Variants in AARS1 observed in about 807,000 individuals in gnomAD.
AARS1 encodes alanine--tRNA ligase, cytoplasmic.
In AARS1, 72 loss-of-function variants were observed where a neutral mutation model predicts 108.9. The observed-to-expected ratio is 0.66, with a 90% confidence interval of 0.55 to 0.80. The LOEUF (loss-of-function observed/expected upper bound fraction) is 0.80, where lower values mean the gene tolerates loss of function less well. Among genes scored for constraint, AARS1 ranks in the 30% least tolerant of loss-of-function variants. AARS1 has a pLI of 0.00. For synonymous variants in AARS1, 489 were observed against 465.7 expected, an observed-to-expected ratio of 1.05 and a Z score of -0.64; for missense variants, 1,193 against 1,233.2, an observed-to-expected ratio of 0.97 and a Z score of 0.49.
At position 70,270,189 on chromosome 16, in the gene AARS1, C is replaced by A. The variant is rs1244554214; in HGVS notation, c.816+7G>T. ...GAAGTTTACAATGTTTGCAATAGCACCAGTACCTTCTGAATGGCTTCAAAG... is the reference window on the plus strand; with the variant it reads ...GAAGTTTACAATGTTTGCAATAGCAACAGTACCTTCTGAATGGCTTCAAAG... On this transcript the variant is annotated splice_region_variant and intron_variant, in intron 6 of 20. Coordinates refer to ENST00000261772, the MANE Select transcript of AARS1 (RefSeq NM_001605.3). The A allele has an allele frequency of 7.4e-6, 12 of 1,614,108 alleles. No individual in the cohort carries two copies. Among genetic ancestry groups the A allele is most frequent in the Non-Finnish European group, 1.0e-5 (12 of 1,179,984 alleles).
At position 70,289,479 on chromosome 16, in the gene AARS1, G is replaced by T; in HGVS notation, c.-80C>A. ...CAGAGTCCCCCGCCAAGGGCCCGCT[G>T]CACCTATTCCCGCAGACGCGCAGCT... On this transcript the variant is annotated 5_prime_UTR_variant, in exon 1 of 21. Transcript: ENST00000261772. 1 of 438,060 alleles carries T rather than the reference G, an allele frequency of 2.3e-6. No individual in the cohort carries two copies. Among genetic ancestry groups the T allele is most frequent in the South Asian group, 1.6e-5 (1 of 62,068 alleles). The allele number at this position is 438,060 out of a possible 1,614,324, so 27.1% of individuals were successfully genotyped here. A position where few individuals can be genotyped will look rare whatever the true frequency, so the allele number is the denominator to read the frequency against.
Position 70,265,599 on chromosome 16 carries a change from GCAAT to G in AARS1, c.1282_1285del (p.Ile428LeufsTer8). 6.2e-7 allele frequency: 1 copy of G among 1,613,958 alleles called. No homozygotes were observed. Among genetic ancestry groups the G allele is most frequent in the Non-Finnish European group, 8.5e-7 (1 of 1,179,946 alleles). On this transcript the variant is annotated frameshift_variant, in exon 10 of 21. Coordinates refer to ENST00000261772, the MANE Select transcript of AARS1 (RefSeq NM_001605.3). LOFTEE classifies it high-confidence loss of function. ...GTCTACCACCAGGCCCTTCTCTTCA[GCAAT>G]CAGTCCAGTCAGATCCACTGGAAAC...
At position 70,269,621 on chromosome 16, in the gene AARS1, C is replaced by G. The variant is rs557600847; in HGVS notation, c.959G>C (p.Arg320Pro). Residue 320 changes from arginine (R) to proline (P), a missense_variant, in exon 7 of 21, where the codon CGT becomes CCT. Coordinates refer to ENST00000261772, the MANE Select transcript of AARS1 (RefSeq NM_001605.3). The part of the protein sequence containing the change: ...ADGGRPDNTG[R>P]GYVLRRILRR... ...ACCCAGTGTGCAGCATACTTACCCA[C>G]GCCCTGTGTTGTCAGGCCGGCCACC... 1 of 1,614,020 alleles carries G rather than the reference C, an allele frequency of 6.2e-7. No homozygotes were observed. The highest frequency in any genetic ancestry group is 1.7e-5 in the Admixed American group (1 of 60,016).
At chr16:70,269,004 C>A (rs1183656304) in intron 7 of AARS1, among the ~76,000 whole-genome samples, 1 of 151,710 alleles carries the variant, frequency 6.6e-6, no homozygotes, top group Admixed American at 6.6e-5. Context: ...GTCAGGAGTT[C>A]GAGACCAGCC....
chr16:70,282,473 G>T, intron 2 of AARS1, 147 bp downstream of exon 2: 2 of 948,098 alleles, frequency 2.1e-6, no homozygotes, highest in Admixed American at 2.3e-5. Context: ...ATTTTGCAAA[G>T]AAACTGAGGC....
At chr16:70,263,570 CA>C (rs111539662) in intron 11 of AARS1, among the ~76,000 whole-genome samples, 2,616 of 121,978 alleles carry the variant, frequency 0.021, 52 homozygotes, top group African/African-American at 0.065. Context: ...AACTCCATCT[CA>C]AAAAAAAAAA....
intron 17 of AARS1, 42 bp downstream of exon 17, chr16:70,254,579 T>C: frequency 1.5e-6 from 2 of 1,367,440 alleles, no homozygotes; most frequent in Non-Finnish European, 2.1e-6. Flanking sequence ...GCATGTTTCA[T>C]GCACCAGGCC....
At chr16:70,265,861 CTGTTT>C (rs973549881) in intron 9 of AARS1, among the ~76,000 whole-genome samples, 199 bp from the exon 10 acceptor site, 4 of 152,346 alleles carry the variant, frequency 2.6e-5, no homozygotes, top group East Asian at 1.9e-4. Flanking sequence ...TGATACAATT[CTGTTT>C]TGTTTTGTTT....
At position 70,276,682 on chromosome 16, in the gene AARS1, A is replaced by G. The variant is rs757292257; in HGVS notation, c.334-51T>C. 1.2e-5 allele frequency: 19 copies of G among 1,591,854 alleles called. No individual in the cohort carries two copies. The Admixed American group carries it at 3.2e-4, about 27-fold the overall frequency. On this transcript the variant is annotated intron_variant, in intron 3 of 20. Transcript: ENST00000261772. ...ATGGAACATTGCCAAACCAAAATCT[A>G]TTTAGTATGAGACCAGATGCTAGGA...
rs971588937 is a variant in AARS1 at position 70,252,775 on chromosome 16, C to T, written c.2853G>A (p.Ala951=). The change falls in exon 21 of 21, where the codon GCG becomes GCA. Residue 951 remains alanine, a synonymous_variant. Transcript: ENST00000261772. ...GGGCGAAGGAAGTGGCCAGCTGCAGCGCCTCCTGCAGGCAGCCAACGTTCT... is the reference window on the plus strand; with the variant it reads ...GGGCGAAGGAAGTGGCCAGCTGCAGTGCCTCCTGCAGGCAGCCAACGTTCT... ...TGKNVGCLQE[A]LQLATSFAQL... 10 of 1,614,180 alleles carry T rather than the reference C, an allele frequency of 6.2e-6. No individual in the cohort carries two copies. Among genetic ancestry groups the T allele is most frequent in the Non-Finnish European group, 8.5e-6 (10 of 1,180,042 alleles).
At position 70,264,522 on chromosome 16, in the gene AARS1, G is replaced by A. The variant is rs141647047; in HGVS notation, c.1492+436C>T. ...AGTAGAGATGGGGTTTCATCATGTT[G>A]GTCAGGCTGGTCTCAAACTCCTGAC... On this transcript the variant is annotated intron_variant, in intron 11 of 20. Transcript: ENST00000261772. Among the ~76,000 whole-genome samples the A allele has an allele frequency of 1.0e-3, 157 of 151,950 alleles. 3 individuals carry two copies. In the East Asian group the frequency reaches 0.03, roughly 29 times the overall value.
At chr16:70,274,410 T>C (rs1597444753) in intron 4 of AARS1, among the ~76,000 whole-genome samples, 2 of 151,646 alleles carry the variant, frequency 1.3e-5, no homozygotes, top group Admixed American at 1.3e-4. Flanking sequence ...CTGTTTCATA[T>C]GAAGAATACA....
At position 70,255,797 on chromosome 16, in the gene AARS1, G is replaced by C. The variant is rs770980206; in HGVS notation, c.2217C>G (p.Ile739Met). The C allele has an allele frequency of 3.7e-6, 6 of 1,614,012 alleles. No individual in the cohort carries two copies. In the Admixed American group the frequency reaches 5.0e-5, roughly 13 times the overall value. ...CCTTGGCAATGGCTTCTTCCGTCAC[G>C]ATCACAAAAGCTCCTGCATGACTCG... The part of the protein sequence containing the change: ...RNSSHAGAFV[I>M]VTEEAIAKGI... The change falls in exon 16 of 21, where the codon ATC becomes ATG. Residue 739 changes from isoleucine to methionine, a missense_variant. Coordinates refer to ENST00000261772, the MANE Select transcript of AARS1 (RefSeq NM_001605.3).
In AARS1 at chr16:70,264,810, G is replaced by A. The variant is rs951693675; in HGVS notation, c.1492+148C>T. ...AAAACCTCCAGCCAAGGGTGCCTAT[G>A]TGTATAAAAGTGCATAGCGTGACTG... On this transcript the variant is annotated intron_variant, in intron 11 of 20. Transcript: ENST00000261772. 53 of 913,622 alleles carry A rather than the reference G, an allele frequency of 5.8e-5. 1 individual carries two copies. In the African/African-American group the frequency reaches 7.4e-4, roughly 13 times the overall value. The allele number at this position is 913,622 out of a possible 1,614,324, so 56.6% of individuals were successfully genotyped here.
chr16:70,260,534 CTGAAATCACTGG>C (rs1316385569), intron 13 of AARS1, among the ~76,000 whole-genome samples: 2 of 152,306 alleles, frequency 1.3e-5, no homozygotes, highest in African/African-American at 4.8e-5. Context: ...GGGATCTTAA[CTGAAATCACTGG>C]TGAAATCACT....
chr16:70,279,670 C>A (rs143210381), intron 2 of AARS1, among the ~76,000 whole-genome samples: 3,727 of 113,058 alleles, frequency 0.033, 42 homozygotes, highest in African/African-American at 0.071. Flanking sequence ...CAAAAAAAAA[C>A]AAAAAAAAAA....
chr16:70,271,832 T>C lies in AARS1; in HGVS notation c.620A>G (p.Asp207Gly), dbSNP rs1960410669. 1 of 1,614,058 alleles carries C rather than the reference T, an allele frequency of 6.2e-7. No homozygotes were observed. Among genetic ancestry groups the C allele is most frequent in the Non-Finnish European group, 8.5e-7 (1 of 1,180,046 alleles). ...GRDAAHLVNQ[D>G]DPNVLEIWNL... ...CCAGATCTCCAGCACATTAGGGTCG[T>C]CCTGGTTGACAAGATGTGCGGCGTC... is the stretch of plus-strand genomic sequence containing the variant. Residue 207 changes from aspartate to glycine, a missense_variant, in exon 5 of 21, where the codon GAC (aspartate) becomes GGC (glycine). Asp to Gly is a moderately conservative substitution (Grantham distance 94). Transcript: ENST00000261772.
At chr16:70,261,320 G>T (rs560487321) in intron 12 of AARS1, 163 bp from the exon 13 acceptor site, 277 of 538,404 alleles carry the variant, frequency 5.1e-4, no homozygotes, top group African/African-American at 4.9e-3. Context: ...AATAGGCCAG[G>T]TGCAGTGGCT....
At position 70,253,948 on chromosome 16, in the gene AARS1, G is replaced by C. The variant is rs1959913185; in HGVS notation, c.2491C>G (p.Arg831Gly). ...TTCTGGACATCGGCTTTGCTGGCTC[G>C]GTCCAAGTCATCCATGACCTTCTTT... is the stretch of plus-strand genomic sequence containing the variant. ...SLKKVMDDLD[R>G]ASKADVQKRV... The change falls in exon 18 of 21, where the codon CGA becomes GGA. Residue 831 changes from arginine (R) to glycine (G), a missense_variant. By Grantham distance (125) the Arg-to-Gly change is moderately radical. Transcript: ENST00000261772. 1 of 1,614,148 alleles carries C rather than the reference G, an allele frequency of 6.2e-7. No individual in the cohort carries two copies.
Sources: gnomAD v4.1 joint callset for allele counts (sites outside exome capture counted in the v4.1 genomes callset) on GRCh38, gnomAD v4.1.1 for gene constraint, MANE v1.5 for transcripts, NCBI Gene and HGNC (gene_info 2026-07-23, HGNC 2026-07-21) for gene names.